LRRK1: variants seen among roughly 807,000 people sequenced by gnomAD.
The protein encoded by LRRK1 is leucine rich repeat kinase 1.
LRRK1 carries 113 observed loss-of-function variants against 209.1 expected under a neutral mutation model. That is an observed-to-expected ratio of 0.54 (90% confidence interval 0.46 to 0.63). LRRK1 has a LOEUF of 0.63. Ranked by LOEUF, LRRK1 falls within the 30% of genes least tolerant of loss-of-function variation. The pLI is 0.00. For missense variants in LRRK1, 2,284 were observed against 2,632.2 expected, an observed-to-expected ratio of 0.87 and a Z score of 2.89; for synonymous variants, 1,144 against 1,099.7, an observed-to-expected ratio of 1.04 and a Z score of -0.80.
intron 22 of LRRK1, chr15:101,049,373 T>C: frequency 2.7e-6 from 1 of 367,856 alleles, no homozygotes; most frequent in Non-Finnish European, 4.9e-6. Context: ...GTCTGGGAAC[T>C]TCCTTAGGGC....
At chr15:101,058,624 G>GGGGT (rs1223312324) in intron 29 of LRRK1, among the ~76,000 whole-genome samples, 1 of 112,378 alleles carries the variant, frequency 8.9e-6, no homozygotes, top group Non-Finnish European at 2.2e-5. Context: ...CAACGGGGGG[G>GGGGT]GGCGTCTAAA....
chr15:100,923,872 C>T (rs11854709), intron 1 of LRRK1, among the ~76,000 whole-genome samples: 42,817 of 152,144 alleles, frequency 0.28, 6,712 homozygotes, highest in African/African-American at 0.41. Context: ...CCAAAAATGT[C>T]TCCAGACATT....
intron 26 of LRRK1, 149 bp downstream of exon 26, chr15:101,053,569 G>C: frequency 1.4e-6 from 1 of 699,936 alleles, no homozygotes; most frequent in Non-Finnish European, 2.4e-6. Context: ...CTGGCTGCGA[G>C]GCCAGGCTCC....
Position 101,053,151 on chromosome 15 carries a change from T to C in LRRK1, c.3856+63T>C, listed in dbSNP as rs1328672550. On this transcript the variant is annotated intron_variant, in intron 25 of 33. Transcript: ENST00000388948. Reference sequence around the variant, plus strand: ...ATATGCTGCCCGGGTCTAAGCTCTGTGCGGCCTTAGAGAGGCCTGAGGCTG... The same window carrying C: ...ATATGCTGCCCGGGTCTAAGCTCTGCGCGGCCTTAGAGAGGCCTGAGGCTG... The C allele has an allele frequency of 3.8e-6, 6 of 1,589,812 alleles. No homozygotes were observed. In the African/African-American group the frequency reaches 6.7e-5, roughly 18 times the overall value.
chr15:101,027,179 A>C lies in LRRK1; in HGVS notation c.2406-82A>C, dbSNP rs531459480. On this transcript the variant is annotated intron_variant, in intron 17 of 33. Coordinates refer to ENST00000388948, the MANE Select transcript of LRRK1 (RefSeq NM_024652.6). This position sits in a 1 kb window ranked among gnomAD's most constrained non-coding sequence, Gnocchi z 5.1. ...CTCCAGACTTGCCAGCGTTCAGGAC[A>C]AACCTCTCAGGGAAACAGAGAAGCA... The C allele has an allele frequency of 6.4e-7, 1 of 1,567,986 alleles. No individual in the cohort carries two copies. The highest frequency in any genetic ancestry group is 8.7e-7 in the Non-Finnish European group (1 of 1,153,374).
At chr15:101,053,984 T>A (rs911187642) in intron 26 of LRRK1, among the ~76,000 whole-genome samples, 4 of 152,168 alleles carry the variant, frequency 2.6e-5, no homozygotes, top group African/African-American at 7.2e-5. Context: ...AACAGAATTC[T>A]TTACTTTTTT....
chr15:100,971,272 T>G (rs2030863039), intron 2 of LRRK1, among the ~76,000 whole-genome samples: 1 of 150,364 alleles, frequency 6.7e-6, no homozygotes, highest in South Asian at 2.1e-4. Context: ...AGGTGGAGAT[T>G]GCAGTGAGCC....
At chr15:101,058,167 C>G (rs1169245064) in intron 29 of LRRK1, 26 bp downstream of exon 29, 5 of 1,610,376 alleles carry the variant, frequency 3.1e-6, no homozygotes, top group Non-Finnish European at 4.2e-6. Flanking sequence ...CTGCCCTGCC[C>G]CCTTTGTATT....
chr15:101,065,749 T>C lies in LRRK1; in HGVS notation c.5312T>C (p.Leu1771Pro), dbSNP rs2036493750. 2 of 1,614,020 alleles carry C rather than the reference T, an allele frequency of 1.2e-6. No individual in the cohort carries two copies. The highest frequency in any genetic ancestry group is 2.2e-5 in the South Asian group (2 of 91,088). The part of the protein sequence containing the change: ...LVMYHSTTYQ[L>P]CARYFCGVPS... ...ATGTACCACTCCACCACCTACCAGC[T>C]GTGTGCCCGGTACTTCTGCGGGGTC... Residue 1771 changes from leucine to proline, a missense_variant, in exon 32 of 34, where the codon CTG (leucine) becomes CCG (proline). By Grantham distance (98) the Leu-to-Pro change is moderately conservative (BLOSUM62 -3). This residue lies in a region of LRRK1 where 643 missense variants were observed against 695.9 expected (regional missense o/e 0.92). Coordinates refer to ENST00000388948, the MANE Select transcript of LRRK1 (RefSeq NM_024652.6).
At chr15:101,035,083 A>G (rs905935430) in intron 20 of LRRK1, among the ~76,000 whole-genome samples, 1 of 151,460 alleles carries the variant, frequency 6.6e-6, no homozygotes, top group African/African-American at 2.4e-5. Context: ...TTAAGTCTGT[A>G]TTCCATTTTA....
At chr15:100,972,214 C>T (rs545560111) in intron 2 of LRRK1, among the ~76,000 whole-genome samples, 2 of 152,102 alleles carry the variant, frequency 1.3e-5, no homozygotes, top group South Asian at 2.1e-4. Context: ...CTGCCTGCCT[C>T]GGACTCCCAA....
rs751219590 is a variant in LRRK1, at chr15:100,940,762, A to G, written c.97+16033A>G. ...TGAGATTCTGCTTAGGGAAGCTCCCATGCTAACTCAGTCTTTTCCTCCAAG... is the reference window on the plus strand; with the variant it reads ...TGAGATTCTGCTTAGGGAAGCTCCCGTGCTAACTCAGTCTTTTCCTCCAAG... On this transcript the variant is annotated intron_variant, in intron 2 of 33. Transcript: ENST00000388948. Among the ~76,000 whole-genome samples, 18 of 152,238 alleles carry G rather than the reference A, an allele frequency of 1.2e-4. 1 individual carries two copies. The highest frequency in any genetic ancestry group is 2.6e-4 in the Admixed American group (4 of 15,284).
intron 2 of LRRK1, among the ~76,000 whole-genome samples, chr15:100,937,770 C>T (rs943053505): frequency 2.0e-5 from 3 of 151,992 alleles, no homozygotes; most frequent in Non-Finnish European, 2.9e-5. Flanking sequence ...CTCCTGACCT[C>T]GTGATCCGCC....
chr15:101,058,863 G>A (rs2035983972), intron 29 of LRRK1, among the ~76,000 whole-genome samples: 1 of 152,080 alleles, frequency 6.6e-6, no homozygotes, highest in Non-Finnish European at 1.5e-5. Flanking sequence ...GACAAGACGT[G>A]CTTGCCGTGG....
chr15:100,982,763 C>T (rs1053120685), intron 3 of LRRK1, among the ~76,000 whole-genome samples: 1 of 152,236 alleles, frequency 6.6e-6, no homozygotes, highest in African/African-American at 2.4e-5. Context: ...GCTGACTTAA[C>T]ATGTACCAAG....
At chr15:101,065,174 A>G (rs1015788264) in intron 31 of LRRK1, 178 bp from the exon 32 acceptor site, 2 of 659,566 alleles carry the variant, frequency 3.0e-6, no homozygotes, top group South Asian at 1.9e-5. Context: ...GCGGAGTCAG[A>G]GCTGCACTTC....
chr15:100,966,527 G>A, intron 2 of LRRK1, among the ~76,000 whole-genome samples: 1 of 152,186 alleles, frequency 6.6e-6, no homozygotes, highest in Non-Finnish European at 1.5e-5. Flanking sequence ...TATGGTCAAA[G>A]CATTTGGGTC....
intron 6 of LRRK1, among the ~76,000 whole-genome samples, chr15:100,998,376 C>A (rs12916140): frequency 0.15 from 22,196 of 152,076 alleles, 1,939 homozygotes; most frequent in African/African-American, 0.24. Flanking sequence ...CTCAGGAAAG[C>A]CTTCCTTAAC....
chr15:101,002,290 A>C (rs1045531759), intron 6 of LRRK1, among the ~76,000 whole-genome samples: 4 of 152,226 alleles, frequency 2.6e-5, no homozygotes, highest in African/African-American at 9.6e-5. Context: ...CTTATACATC[A>C]GTCTCTAATG....
Sources: gnomAD v4.1 joint callset for allele counts (sites outside exome capture counted in the v4.1 genomes callset) on GRCh38, gnomAD v4.1.1 for gene constraint, gnomAD v4.1.1 regional missense constraint, Gnocchi (gnomAD v3.1) non-coding constraint, MANE v1.5 for transcripts, NCBI Gene and HGNC (gene_info 2026-07-23, HGNC 2026-07-21) for gene names.